The following SDK1 variants were observed in gnomAD, a reference collection of about 807,000 sequenced individuals.
SDK1 encodes the protein sidekick cell adhesion molecule 1.
A neutral mutation model predicts 245.5 loss-of-function variants in SDK1; 157 were observed. That is an observed-to-expected ratio of 0.64 (90% confidence interval 0.56 to 0.73). SDK1 has a LOEUF of 0.73. Among genes scored for constraint, SDK1 ranks in the 30% least tolerant of loss-of-function variants. The pLI is 0.00. For missense variants in SDK1, 3,583 were observed against 3,002.3 expected (o/e 1.19, Z -4.52); for synonymous variants, 1,647 against 1,278.5 (o/e 1.29, Z -6.15).
intron 1 of SDK1, among the ~76,000 whole-genome samples, chr7:3,580,968 C>CA (rs60617574): frequency 0.21 from 5,142 of 24,570 alleles, 547 homozygotes; most frequent in Non-Finnish European, 0.32. Context: ...GACTCCATCT[C>CA]AAAAAAAAAA....
chr7:3,612,839 T>C (rs1781645281), intron 1 of SDK1, among the ~76,000 whole-genome samples: 1 of 152,186 alleles, frequency 6.6e-6, no homozygotes, highest in African/African-American at 2.4e-5. Context: ...CGGTGCTGAT[T>C]ATGATGGCTT....
At chr7:3,845,580 C>T (rs776304849) in intron 5 of SDK1, among the ~76,000 whole-genome samples, 2 of 150,516 alleles carry the variant, frequency 1.3e-5, no homozygotes, top group Non-Finnish European at 2.9e-5. Flanking sequence ...GGCAGGCCAG[C>T]GAGACTGGAA....
chr7:3,490,818 C>T (rs965908130), intron 1 of SDK1, among the ~76,000 whole-genome samples: 2 of 152,160 alleles, frequency 1.3e-5, no homozygotes, highest in African/African-American at 4.8e-5. Flanking sequence ...TGCCCAAATT[C>T]TCCTTTTAGT....
chr7:4,002,017 C>G (rs867508913), intron 14 of SDK1, among the ~76,000 whole-genome samples: 3 of 152,242 alleles, frequency 2.0e-5, no homozygotes, highest in African/African-American at 7.2e-5. Context: ...ACAGTCTGTT[C>G]TACAAATGTA....
At chr7:3,895,917 G>T (rs773494165) in intron 5 of SDK1, among the ~76,000 whole-genome samples, 3 of 152,098 alleles carry the variant, frequency 2.0e-5, no homozygotes, top group Non-Finnish European at 4.4e-5. Flanking sequence ...ACTGATTTCT[G>T]ATTTAATTCT....
At chr7:3,434,638 C>T (rs1779966571) in intron 1 of SDK1, among the ~76,000 whole-genome samples, 1 of 152,156 alleles carries the variant, frequency 6.6e-6, no homozygotes, top group Non-Finnish European at 1.5e-5. Flanking sequence ...GCTAAGTAAC[C>T]AAGCTGGGGT....
At chr7:3,779,894 T>G (rs1562437798) in intron 4 of SDK1, among the ~76,000 whole-genome samples, 1 of 139,898 alleles carries the variant, frequency 7.1e-6, no homozygotes, top group East Asian at 2.1e-4. Flanking sequence ...ATTGCACCAC[T>G]GCAGTCCGCA....
chr7:3,938,277 T>C (rs914393295), intron 5 of SDK1, among the ~76,000 whole-genome samples: 2 of 152,224 alleles, frequency 1.3e-5, no homozygotes, highest in African/African-American at 4.8e-5. Context: ...AAAAGACTTA[T>C]GATCCCAGTC....
intron 1 of SDK1, among the ~76,000 whole-genome samples, chr7:3,401,195 T>TA (rs2128573397): frequency 6.6e-6 from 1 of 152,330 alleles, no homozygotes; most frequent in Non-Finnish European, 1.5e-5. Context: ...GTCAGCCACT[T>TA]ACACGAGCAT....
chr7:4,250,461 G>A lies in SDK1; in HGVS notation c.6381+4656G>A, dbSNP rs148067147. 4.9e-4 allele frequency among the ~76,000 whole-genome samples: 74 copies of A among 151,924 alleles called. 1 individual carries two copies. The highest frequency in any genetic ancestry group is 1.5e-3 in the African/African-American group (64 of 41,434). On this transcript the variant is annotated intron_variant, in intron 44 of 44. Coordinates refer to ENST00000404826, the MANE Select transcript of SDK1 (RefSeq NM_152744.4). ...TGGGTTCAAGCAATTCTCATGCCTC[G>A]GCTTCCCAAGTAGCTGGGATTACAG...
At chr7:3,864,904 G>A (rs2115123556) in intron 5 of SDK1, among the ~76,000 whole-genome samples, 1 of 152,288 alleles carries the variant, frequency 6.6e-6, no homozygotes, top group East Asian at 1.9e-4. Flanking sequence ...AAACAGATGT[G>A]AGTAAGAAGC....
intron 30 of SDK1, among the ~76,000 whole-genome samples, chr7:4,158,092 G>C (rs1780883305): frequency 6.6e-6 from 1 of 152,168 alleles, no homozygotes; most frequent in South Asian, 2.1e-4. Flanking sequence ...GTGAGGGGTT[G>C]GCACTGCCTC....
chr7:4,056,920 C>T (rs1460762467), intron 19 of SDK1, among the ~76,000 whole-genome samples: 1 of 152,184 alleles, frequency 6.6e-6, no homozygotes, highest in Non-Finnish European at 1.5e-5. Flanking sequence ...TTCTGCAGCC[C>T]CACTGACATC....
At chr7:3,343,108 G>T (rs1780392228) in intron 1 of SDK1, among the ~76,000 whole-genome samples, 1 of 151,968 alleles carries the variant, frequency 6.6e-6, no homozygotes, top group African/African-American at 2.4e-5. Flanking sequence ...AAACAGTTTG[G>T]CGGTTTCTTA....
At chr7:3,482,555 CT>C (rs1321784686) in intron 1 of SDK1, among the ~76,000 whole-genome samples, 4 of 152,214 alleles carry the variant, frequency 2.6e-5, no homozygotes, top group Admixed American at 6.5e-5. Flanking sequence ...CCTTAACTCA[CT>C]GGAGTAGCAA....
At chr7:3,613,604 C>G (rs1339104431) in intron 1 of SDK1, among the ~76,000 whole-genome samples, 1 of 152,112 alleles carries the variant, frequency 6.6e-6, no homozygotes, top group Admixed American at 6.5e-5. Context: ...GACCTAAAGA[C>G]AGAAATACCG....
intron 35 of SDK1, among the ~76,000 whole-genome samples, chr7:4,195,078 T>A (rs952846400): frequency 5.9e-5 from 9 of 152,058 alleles, no homozygotes; most frequent in East Asian, 1.9e-4. Context: ...GAAAAAAAAA[T>A]TTGTATTTTT....
intron 1 of SDK1, among the ~76,000 whole-genome samples, chr7:3,558,231 C>G (rs750484701): frequency 7.2e-5 from 11 of 152,212 alleles, no homozygotes; most frequent in Non-Finnish European, 1.3e-4. Context: ...TGGGAGATTT[C>G]TGGAGTAGGC....
At chr7:4,169,981 G>C (rs532433450) in intron 32 of SDK1, among the ~76,000 whole-genome samples, 5 of 152,296 alleles carry the variant, frequency 3.3e-5, no homozygotes, top group African/African-American at 1.2e-4. Flanking sequence ...AAACCACTCT[G>C]TCTCCTCTTT....
Sources: gnomAD v4.1 joint callset for allele counts (sites outside exome capture counted in the v4.1 genomes callset) on GRCh38, gnomAD v4.1.1 for gene constraint, MANE v1.5 for transcripts, NCBI Gene and HGNC (gene_info 2026-07-23, HGNC 2026-07-21) for gene names.